Variants in SLC9A9 observed in about 807,000 individuals in gnomAD.
SLC9A9 encodes solute carrier family 9 member A9.
In SLC9A9, 62 loss-of-function variants were observed where a neutral mutation model predicts 77.8. The ratio of observed to expected loss-of-function variants is 0.80; its 90% CI spans 0.65 to 0.98. SLC9A9 has a LOEUF of 0.98. Among genes scored for constraint, SLC9A9 ranks in the 50% least tolerant of loss-of-function variants. SLC9A9 has a pLI of 0.00. For synonymous variants in SLC9A9, 320 were observed against 283.5 expected, an observed-to-expected ratio of 1.13 and a Z score of -1.29; for missense variants, 775 against 774.9, an observed-to-expected ratio of 1.00 and a Z score of 0.00.
chr3:143,842,375 C>G (rs996943337), intron 1 of SLC9A9, among the ~76,000 whole-genome samples: 9 of 151,920 alleles, frequency 5.9e-5, no homozygotes, highest in Non-Finnish European at 1.2e-4. Flanking sequence ...AGCGAGACTC[C>G]GTCTCAAAAA....
At chr3:143,735,835 A>G (rs1934927499) in intron 4 of SLC9A9, among the ~76,000 whole-genome samples, 1 of 152,304 alleles carries the variant, frequency 6.6e-6, no homozygotes, top group East Asian at 1.9e-4. Context: ...TTGCTCTGCT[A>G]TTTGCTACCA....
chr3:143,795,198 G>A, intron 3 of SLC9A9, 121 bp from the exon 4 acceptor site: 1 of 731,362 alleles, frequency 1.4e-6, no homozygotes, highest in Non-Finnish European at 2.3e-6. Flanking sequence ...TTTGGTTTTG[G>A]AGCCTCGTTC....
chr3:143,622,784 A>G (rs1017700313), intron 6 of SLC9A9, among the ~76,000 whole-genome samples: 19 of 152,220 alleles, frequency 1.2e-4, no homozygotes, highest in Admixed American at 3.3e-4. Flanking sequence ...TTAAATGTAA[A>G]TGGGCTAAAT....
At chr3:143,569,814 CTTTTTTTTTT>C (rs530202918) in intron 8 of SLC9A9, among the ~76,000 whole-genome samples, 1 of 133,394 alleles carries the variant, frequency 7.5e-6, no homozygotes, top group East Asian at 2.1e-4. Flanking sequence ...TTGTTTTTTT[CTTTTTTTTTT>C]TTTTTTGGAG....
intron 10 of SLC9A9, among the ~76,000 whole-genome samples, chr3:143,494,930 T>C (rs1366395693): frequency 6.6e-6 from 1 of 152,230 alleles, no homozygotes; most frequent in Non-Finnish European, 1.5e-5. Context: ...CATCTTGCAA[T>C]GAAAACATTT....
At chr3:143,742,514 G>A (rs1044548101) in intron 4 of SLC9A9, among the ~76,000 whole-genome samples, 10 of 152,092 alleles carry the variant, frequency 6.6e-5, no homozygotes, top group African/African-American at 2.4e-4. Context: ...TCAGTAGAGG[G>A]CCAATTTACA....
intron 4 of SLC9A9, among the ~76,000 whole-genome samples, chr3:143,755,486 T>C (rs946613534): frequency 6.6e-6 from 1 of 152,144 alleles, no homozygotes; most frequent in Non-Finnish European, 1.5e-5. Flanking sequence ...CCTTGATCAC[T>C]GTCATTTAAT....
intron 4 of SLC9A9, among the ~76,000 whole-genome samples, chr3:143,778,665 AG>A (rs1456434022): frequency 6.6e-6 from 1 of 152,218 alleles, no homozygotes; most frequent in African/African-American, 2.4e-5. Context: ...ATAGAAAATT[AG>A]TTAAATTTAG....
At chr3:143,784,565 C>T (rs900909017) in intron 4 of SLC9A9, among the ~76,000 whole-genome samples, 1 of 149,526 alleles carries the variant, frequency 6.7e-6, no homozygotes, top group Non-Finnish European at 1.5e-5. Flanking sequence ...TACCATGTTG[C>T]CCTGGCTGGT....
At chr3:143,760,314 C>T (rs368602352) in intron 4 of SLC9A9, among the ~76,000 whole-genome samples, 6 of 152,138 alleles carry the variant, frequency 3.9e-5, no homozygotes, top group Admixed American at 2.0e-4. Context: ...CTCACCACTC[C>T]TATTCAGCAT....
intron 12 of SLC9A9, among the ~76,000 whole-genome samples, chr3:143,462,339 C>G (rs370579581): frequency 6.6e-6 from 1 of 151,928 alleles, no homozygotes; most frequent in Non-Finnish European, 1.5e-5. Context: ...AGCCACTGCA[C>G]TCCACCCTCG....
At chr3:143,417,569 GGA>G (rs148720976) in intron 12 of SLC9A9, among the ~76,000 whole-genome samples, 2 of 150,834 alleles carry the variant, frequency 1.3e-5, no homozygotes, top group Non-Finnish European at 3.0e-5. Flanking sequence ...AGGGATGGAT[GGA>G]GAGAGAGAGA....
intron 14 of SLC9A9, among the ~76,000 whole-genome samples, chr3:143,297,355 G>C (rs547516227): frequency 4.1e-4 from 63 of 152,278 alleles, no homozygotes; most frequent in African/African-American, 1.4e-3. Flanking sequence ...AAAACATATA[G>C]GCCAACGGAG....
intron 1 of SLC9A9, among the ~76,000 whole-genome samples, chr3:143,842,342 C>T (rs2009728557): frequency 1.3e-5 from 2 of 152,178 alleles, no homozygotes; most frequent in African/African-American, 2.4e-5. Flanking sequence ...GATTGTGCCA[C>T]TGTACTCTAG....
rs887880563 is a variant in SLC9A9, at chr3:143,639,734, G to A, written c.755+12521C>T. Among the ~76,000 whole-genome samples, 7 of 152,200 alleles carry A rather than the reference G, an allele frequency of 4.6e-5. No homozygotes were observed. The East Asian group carries it at 1.3e-3, about 29-fold the overall frequency. On this transcript the variant is annotated intron_variant, in intron 6 of 15. Coordinates refer to ENST00000316549, the MANE Select transcript of SLC9A9 (RefSeq NM_173653.4). Reference sequence around the variant, plus strand: ...AAACAACAGCTTTTGTGTGAAGGATGAGGATAAACATTTGACAACCTTCAT... The same window carrying A: ...AAACAACAGCTTTTGTGTGAAGGATAAGGATAAACATTTGACAACCTTCAT...
chr3:143,754,940 G>A (rs2006873590), intron 4 of SLC9A9, among the ~76,000 whole-genome samples: 1 of 152,086 alleles, frequency 6.6e-6, no homozygotes. Context: ...GCCTAACATA[G>A]CATTTATTTC....
chr3:143,509,197 A>C (rs2036075091), intron 9 of SLC9A9, among the ~76,000 whole-genome samples: 1 of 152,170 alleles, frequency 6.6e-6, no homozygotes, highest in Non-Finnish European at 1.5e-5. Flanking sequence ...CAGAGAAATC[A>C]ATGAAAATGA....
chr3:143,306,172 A>T (rs2030773068), intron 14 of SLC9A9, among the ~76,000 whole-genome samples: 1 of 152,204 alleles, frequency 6.6e-6, no homozygotes, highest in African/African-American at 2.4e-5. Flanking sequence ...ACCATCAGGG[A>T]GGCAGTGGGG....
intron 6 of SLC9A9, among the ~76,000 whole-genome samples, chr3:143,636,956 C>A (rs936517570): frequency 2.0e-5 from 3 of 152,092 alleles, no homozygotes; most frequent in Non-Finnish European, 2.9e-5. Flanking sequence ...CCAACATATG[C>A]AACAGTCACA....
Sources: allele counts gnomAD v4.1 joint callset (sites outside exome capture counted in the v4.1 genomes callset), GRCh38; gene constraint gnomAD v4.1.1; transcripts MANE v1.5; gene names NCBI Gene and HGNC (gene_info 2026-07-23, HGNC 2026-07-21).